The following DLG2 variants were observed in gnomAD, a reference collection of about 807,000 sequenced individuals.
DLG2 encodes the protein discs large MAGUK scaffold protein 2, also known as disks large homolog 2.
In DLG2, 45 loss-of-function variants were observed where a neutral mutation model predicts 132.5. The ratio of observed to expected loss-of-function variants is 0.34; its 90% CI spans 0.27 to 0.44. DLG2 has a LOEUF of 0.44. DLG2 is among the 20% of genes least tolerant of loss of function. DLG2 has a pLI of 1.00. For synonymous variants in DLG2, 424 were observed against 419.6 expected (o/e 1.01, Z -0.13); for missense variants, 1,045 against 1,196.9 (o/e 0.87, Z 1.87).
At chr11:84,214,396 G>A (rs919266051) in intron 8 of DLG2, among the ~76,000 whole-genome samples, 34 of 150,256 alleles carry the variant, frequency 2.3e-4, no homozygotes, top group Middle Eastern at 3.5e-3. Context: ...TTATATATGT[G>A]TAAACATGCT....
At chr11:84,316,685 G>A in intron 7 of DLG2, 3 of 918,978 alleles carry the variant, frequency 3.3e-6, no homozygotes, top group Non-Finnish European at 4.8e-6. Flanking sequence ...GTGTGAAAAT[G>A]ACAGGTTTTT....
intron 12 of DLG2, among the ~76,000 whole-genome samples, chr11:83,966,961 G>C (rs771188048): frequency 1.3e-5 from 2 of 151,834 alleles, no homozygotes; most frequent in Non-Finnish European, 2.9e-5. Flanking sequence ...TATTTTTTAA[G>C]ATTCCACATA....
At chr11:83,846,326 G>T (rs1054778039) in intron 16 of DLG2, among the ~76,000 whole-genome samples, 1 of 152,200 alleles carries the variant, frequency 6.6e-6, no homozygotes, top group African/African-American at 2.4e-5. Context: ...GAACATGGAT[G>T]CCAACCTAAG....
intron 6 of DLG2, among the ~76,000 whole-genome samples, chr11:84,752,462 CTATTT>C (rs1168507164): frequency 6.6e-6 from 1 of 151,562 alleles, no homozygotes; most frequent in African/African-American, 2.4e-5. Flanking sequence ...TGTATGTGGA[CTATTT>C]TATTTTATTA....
In DLG2 at chr11:85,444,177, G is replaced by C. The variant is rs561595296; in HGVS notation, c.40+154480C>G. Among the ~76,000 whole-genome samples, 3 of 152,230 alleles carry C rather than the reference G, an allele frequency of 2.0e-5. No homozygotes were observed. The South Asian group carries it at 6.2e-4, about 32-fold the overall frequency. The stretch of plus-strand genomic sequence containing the variant: ...AATTTTAACTCCAACTTAAAAAAAT[G>C]CTACCAAAATCAAAAATCTTTTGGA... On this transcript the variant is annotated intron_variant, in intron 3 of 27. Transcript: ENST00000376104.
At chr11:85,285,851 A>G (rs1231439254) in intron 3 of DLG2, among the ~76,000 whole-genome samples, 1 of 152,020 alleles carries the variant, frequency 6.6e-6, no homozygotes, top group Non-Finnish European at 1.5e-5. Context: ...TAGATAATGC[A>G]GAGGATGATG....
chr11:84,675,934 C>G (rs757578224), intron 6 of DLG2, among the ~76,000 whole-genome samples: 1 of 152,000 alleles, frequency 6.6e-6, no homozygotes, highest in Admixed American at 6.6e-5. Flanking sequence ...ATGTGTGCCT[C>G]CTCTGGGTAC....
rs528850296 is a variant in DLG2, at chr11:84,876,058, C to T, written c.357+235603G>A. ...TGGCCTTTCTTCCCCTTTTCACTTGCGTTATTATTACTGTTATTATTCTCC... is the reference window on the plus strand; with the variant it reads ...TGGCCTTTCTTCCCCTTTTCACTTGTGTTATTATTACTGTTATTATTCTCC... On this transcript the variant is annotated intron_variant, in intron 6 of 27. Coordinates refer to ENST00000376104, the MANE Select transcript of DLG2 (RefSeq NM_001142699.3). Among the ~76,000 whole-genome samples the T allele has an allele frequency of 5.3e-5, 8 of 152,118 alleles. No individual in the cohort carries two copies. The South Asian group carries it at 6.2e-4, about 12-fold the overall frequency.
intron 6 of DLG2, among the ~76,000 whole-genome samples, chr11:84,608,740 T>G: frequency 6.6e-6 from 1 of 152,164 alleles, no homozygotes; most frequent in Non-Finnish European, 1.5e-5. Flanking sequence ...ATAACCGTTT[T>G]CTAGAGTATG....
chr11:83,502,236 C>T (rs181106708), intron 21 of DLG2, among the ~76,000 whole-genome samples: 33 of 152,190 alleles, frequency 2.2e-4, no homozygotes, highest in African/African-American at 7.5e-4. Flanking sequence ...AGTCACTTGC[C>T]TAAGGGTTTA....
chr11:85,032,110 A>T (rs1451696627), intron 6 of DLG2, among the ~76,000 whole-genome samples: 1 of 151,898 alleles, frequency 6.6e-6, no homozygotes, highest in Non-Finnish European at 1.5e-5. Flanking sequence ...ACCACCATAC[A>T]TATTTCAAAA....
At chr11:84,000,687 C>G (rs2094301154) in intron 11 of DLG2, among the ~76,000 whole-genome samples, 1 of 151,938 alleles carries the variant, frequency 6.6e-6, no homozygotes, top group African/African-American at 2.4e-5. Context: ...CCATACCGGG[C>G]AGGAGGAAAT....
intron 6 of DLG2, among the ~76,000 whole-genome samples, chr11:84,624,078 T>C (rs1753111207): frequency 6.6e-6 from 1 of 152,182 alleles, no homozygotes; most frequent in African/African-American, 2.4e-5. Context: ...ATGTAGGATA[T>C]GGTCAGACAT....
At chr11:83,999,994 A>T (rs909866740) in intron 11 of DLG2, among the ~76,000 whole-genome samples, 2 of 152,112 alleles carry the variant, frequency 1.3e-5, no homozygotes, top group Non-Finnish European at 2.9e-5. Flanking sequence ...TCAAAGAAAC[A>T]CAATAATTCT....
At chr11:85,242,267 G>T (rs1019557713) in intron 4 of DLG2, among the ~76,000 whole-genome samples, 44 of 151,086 alleles carry the variant, frequency 2.9e-4, no homozygotes, top group Non-Finnish European at 5.6e-4. Flanking sequence ...TATCATTTTG[G>T]TTTTTTTTCC....
At chr11:85,027,073 G>A (rs957897350) in intron 6 of DLG2, among the ~76,000 whole-genome samples, 12 of 151,012 alleles carry the variant, frequency 7.9e-5, no homozygotes, top group Non-Finnish European at 1.3e-4. Context: ...AATAATAGGT[G>A]TCAGTCGCTA....
intron 7 of DLG2, among the ~76,000 whole-genome samples, chr11:84,397,532 C>T (rs1232240330): frequency 2.0e-5 from 3 of 152,186 alleles, no homozygotes; most frequent in Non-Finnish European, 4.4e-5. Flanking sequence ...ACCACTTGTG[C>T]AATTCTCCAT....
At chr11:84,232,413 A>G (rs1322518255) in intron 8 of DLG2, among the ~76,000 whole-genome samples, 1 of 152,178 alleles carries the variant, frequency 6.6e-6, no homozygotes, top group Non-Finnish European at 1.5e-5. Context: ...TACATGAGTT[A>G]ATCAAATTAC....
intron 6 of DLG2, among the ~76,000 whole-genome samples, chr11:85,057,187 G>A (rs1027844811): frequency 1.3e-5 from 2 of 151,286 alleles, no homozygotes; most frequent in African/African-American, 4.8e-5. Flanking sequence ...ATAAAGCCCG[G>A]ATATAGTTGA....
Sources: gnomAD v4.1 joint callset for allele counts (sites outside exome capture counted in the v4.1 genomes callset) on GRCh38, gnomAD v4.1.1 for gene constraint, MANE v1.5 for transcripts, NCBI Gene and HGNC (gene_info 2026-07-23, HGNC 2026-07-21) for gene names.